The following INTS7 variants were observed in gnomAD, a reference collection of about 807,000 sequenced individuals.
The protein encoded by INTS7 is chromosome 1 open reading frame 73.
INTS7 carries 46 observed loss-of-function variants against 109.2 expected under a neutral mutation model. The observed-to-expected ratio is 0.42, with a 90% CI of 0.33 to 0.54. The LOEUF (loss-of-function observed/expected upper bound fraction) is 0.54. INTS7 is among the 20% of genes least tolerant of loss of function. INTS7 has a pLI of 0.07. For synonymous variants in INTS7, 412 were observed against 402.9 expected, an observed-to-expected ratio of 1.02 and a Z score of -0.27; for missense variants, 929 against 1,132.4, an observed-to-expected ratio of 0.82 and a Z score of 2.58.
chr1:212,033,155 G>A (rs1437518089), intron 1 of INTS7, among the ~76,000 whole-genome samples: 4 of 152,152 alleles, frequency 2.6e-5, no homozygotes, highest in South Asian at 2.1e-4. Context: ...TGAGGTGGGG[G>A]AGATATTTCA....
intron 16 of INTS7, among the ~76,000 whole-genome samples, chr1:211,953,265 T>A (rs571321686): frequency 6.6e-5 from 10 of 152,334 alleles, no homozygotes; most frequent in African/African-American, 2.4e-4. Context: ...ACAGTCTGTA[T>A]ACACAGCGTG....
chr1:211,942,047 C>G lies in INTS7; in HGVS notation c.2666G>C (p.Ser889Thr). ...AGCAAAGTTCAACAGAAATTGAGTACTGAAGTAATCATTATGAGGTTCAAC... is the reference window on the plus strand; with the variant it reads ...AGCAAAGTTCAACAGAAATTGAGTAGTGAAGTAATCATTATGAGGTTCAAC... ...QRVEPHNDYF[S>T]TQFLLNFAIL... The change falls in exon 20 of 20, where the codon AGT (serine) becomes ACT (threonine). Residue 889 changes from serine to threonine, a missense_variant. Ser to Thr is a moderately conservative substitution (Grantham distance 58). Coordinates refer to ENST00000366994, the MANE Select transcript of INTS7 (RefSeq NM_015434.4). The surrounding 1 kb of genome is among the most constrained non-coding windows in gnomAD (Gnocchi z 4.2). 6.2e-7 allele frequency: 1 copy of G among 1,614,164 alleles called. No individual in the cohort carries two copies. Among genetic ancestry groups the G allele is most frequent in the Non-Finnish European group, 8.5e-7 (1 of 1,180,028 alleles).
At chr1:211,950,329 T>C (rs1356456399) in intron 17 of INTS7, among the ~76,000 whole-genome samples, 1 of 152,206 alleles carries the variant, frequency 6.6e-6, no homozygotes, top group Non-Finnish European at 1.5e-5. Context: ...TGGAGTGCAA[T>C]GGCGTGATCT....
At chr1:211,962,787 G>T (rs1663697983) in intron 16 of INTS7, among the ~76,000 whole-genome samples, 1 of 152,078 alleles carries the variant, frequency 6.6e-6, no homozygotes, top group Non-Finnish European at 1.5e-5. Flanking sequence ...TTTTTGGCAA[G>T]AAATGAAATT....
intron 16 of INTS7, among the ~76,000 whole-genome samples, chr1:211,964,990 A>G (rs964902497): frequency 1.3e-5 from 2 of 152,226 alleles, no homozygotes; most frequent in African/African-American, 4.8e-5. Context: ...TCTGCACAAC[A>G]AAAGAAACTA....
intron 7 of INTS7, among the ~76,000 whole-genome samples, chr1:212,003,772 G>A (rs960833719): frequency 3.3e-5 from 5 of 152,126 alleles, no homozygotes; most frequent in African/African-American, 1.2e-4. Context: ...AAATGACTAT[G>A]AGTTATATTT....
chr1:211,946,988 G>A lies in INTS7; in HGVS notation c.2317-283C>T, dbSNP rs1464108867. ...TAGGCAAATTCCACATTTCTACAGC[G>A]CTCAGAACTATCAGTATATTATTAA... On this transcript the variant is annotated intron_variant, in intron 17 of 19. Coordinates refer to ENST00000366994, the MANE Select transcript of INTS7 (RefSeq NM_015434.4). This position sits in a 1 kb window ranked among gnomAD's most constrained non-coding sequence, Gnocchi z 4.3. Among the ~76,000 whole-genome samples the A allele has an allele frequency of 1.3e-5, 2 of 152,104 alleles. No individual in the cohort carries two copies. Among genetic ancestry groups the A allele is most frequent in the African/African-American group, 2.4e-5 (1 of 41,408 alleles).
chr1:212,006,603 AT>A, intron 7 of INTS7, 35 bp downstream of exon 7: 3 of 1,112,876 alleles, frequency 2.7e-6, no homozygotes, highest in Non-Finnish European at 3.7e-6. Context: ...ATGTTATATT[AT>A]TTTTTCTATA....
intron 16 of INTS7, among the ~76,000 whole-genome samples, chr1:211,955,490 T>C (rs1225460439): frequency 6.6e-6 from 1 of 152,168 alleles, no homozygotes; most frequent in African/African-American, 2.4e-5. Flanking sequence ...AAGGGAGTGC[T>C]TCCAGTTTTT....
rs115225955 is a variant in INTS7 at position 212,024,544 on chromosome 1, C to T, written c.95-3332G>A. On this transcript the variant is annotated intron_variant, in intron 1 of 19. Transcript: ENST00000366994. ...ATCCAAATGAAATGAAAACATATGTCCACACAAACATCTGTATGCAAATAT... is the reference window on the plus strand; with the variant it reads ...ATCCAAATGAAATGAAAACATATGTTCACACAAACATCTGTATGCAAATAT... 3.5e-3 allele frequency among the ~76,000 whole-genome samples: 540 copies of T among 152,262 alleles called. 5 individuals carry two copies. Among genetic ancestry groups the T allele is most frequent in the African/African-American group, 0.012 (505 of 41,546 alleles).
intron 18 of INTS7, 70 bp from the exon 19 acceptor site, chr1:211,945,039 C>A: frequency 1.4e-6 from 2 of 1,453,966 alleles, no homozygotes; most frequent in Non-Finnish European, 1.9e-6. Flanking sequence ...CATGTCTGTG[C>A]TAATCACTGG....
Position 211,942,112 on chromosome 1 carries a change from C to G in INTS7, c.2602-1G>C. ...CATTGGTCATGTTGTCAATGGGTAT[C>G]TGCAATGAAACAATTGTTAACTAAC... On this transcript the variant is annotated splice_acceptor_variant, in intron 19 of 19. Coordinates refer to ENST00000366994, the MANE Select transcript of INTS7 (RefSeq NM_015434.4). LOFTEE classifies it high-confidence loss of function. The surrounding 1 kb of genome is among the most constrained non-coding windows in gnomAD (Gnocchi z 4.2). 1 of 1,612,286 alleles carries G rather than the reference C, an allele frequency of 6.2e-7. No individual in the cohort carries two copies.
At chr1:212,005,169 T>C (rs1370515927) in intron 7 of INTS7, among the ~76,000 whole-genome samples, 1 of 151,846 alleles carries the variant, frequency 6.6e-6, no homozygotes, top group Non-Finnish European at 1.5e-5. Context: ...TACAATGGGA[T>C]AGTACATTAC....
At chr1:212,005,581 A>G (rs900036301) in intron 7 of INTS7, among the ~76,000 whole-genome samples, 8 of 152,344 alleles carry the variant, frequency 5.3e-5, no homozygotes, top group African/African-American at 1.7e-4. Flanking sequence ...AAGGAATAAT[A>G]CTGTGCTTCT....
intron 1 of INTS7, among the ~76,000 whole-genome samples, chr1:212,028,719 G>A (rs991480896): frequency 1.3e-5 from 2 of 152,208 alleles, no homozygotes; most frequent in African/African-American, 4.8e-5. Context: ...TAATCATAAT[G>A]ATAATGATGA....
chr1:211,982,641 A>G (rs1242531896), intron 9 of INTS7, 35 bp downstream of exon 9: 1 of 1,511,730 alleles, frequency 6.6e-7, no homozygotes, highest in Non-Finnish European at 8.9e-7. Flanking sequence ...TCTAAACCAA[A>G]GTTTATACGT....
intron 18 of INTS7, among the ~76,000 whole-genome samples, chr1:211,945,712 T>G (rs1662819391): frequency 6.6e-6 from 1 of 152,232 alleles, no homozygotes; most frequent in African/African-American, 2.4e-5. Context: ...ATGTAAAAGT[T>G]TACTGAAGAC....
At chr1:212,005,905 C>A (rs914116938) in intron 7 of INTS7, among the ~76,000 whole-genome samples, 1 of 151,904 alleles carries the variant, frequency 6.6e-6, no homozygotes, top group Admixed American at 6.6e-5. Context: ...GTTTAGAAAA[C>A]AACAAACAAA....
At chr1:212,002,837 G>C (rs1447677262) in intron 7 of INTS7, among the ~76,000 whole-genome samples, 2 of 152,148 alleles carry the variant, frequency 1.3e-5, no homozygotes, top group Non-Finnish European at 2.9e-5. Context: ...TTTTTGGTTT[G>C]AGCCTCAAAG....
Sources: allele counts gnomAD v4.1 joint callset (sites outside exome capture counted in the v4.1 genomes callset), GRCh38; gene constraint gnomAD v4.1.1; non-coding constraint Gnocchi (gnomAD v3.1); transcripts MANE v1.5; gene names NCBI Gene and HGNC (gene_info 2026-07-23, HGNC 2026-07-21).